ZNF484: variants seen among roughly 807,000 people sequenced by gnomAD.
ZNF484 encodes zinc finger protein 484, also known as KRAB box containing C2H2 type zinc finger bA526D8.4.
Under a neutral mutation model 12.9 loss-of-function variants are expected in ZNF484, and 11 were observed. That is an observed-to-expected ratio of 0.85 (90% CI 0.54 to 1.41). The LOEUF is 1.41. ZNF484 is among the 40% of genes most tolerant of loss of function. The pLI is 0.00. For synonymous variants in ZNF484, 289 were observed against 334.1 expected (o/e 0.86, Z 1.47); for missense variants, 807 against 1,007.7 (o/e 0.80, Z 2.70).
intron 2 of ZNF484, among the ~76,000 whole-genome samples, chr9:92,865,042 A>G (rs1268949530): frequency 1.3e-5 from 2 of 150,460 alleles, no homozygotes; most frequent in Admixed American, 6.6e-5. Flanking sequence ...GAGAGAGAGA[A>G]AGAGAGAGAG....
intron 4 of ZNF484, among the ~76,000 whole-genome samples, chr9:92,854,194 A>G (rs571137240): frequency 3.3e-5 from 5 of 152,338 alleles, no homozygotes; most frequent in African/African-American, 1.2e-4. Context: ...TTATTAGGGA[A>G]ATACAAATTA....
rs1284987736 is a variant in ZNF484 at position 92,844,303 on chromosome 9, G to T, written c.*1925C>A. The stretch of plus-strand genomic sequence containing the variant: ...TTAGAAAACAGGCCAACAGAACTGG[G>T]TAATAAGGTTATCCCTAAAAGAAAC... On this transcript the variant is annotated 3_prime_UTR_variant, in exon 5 of 5. Transcript: ENST00000375495. 1.3e-5 allele frequency among the ~76,000 whole-genome samples: 2 copies of T among 152,170 alleles called. No individual in the cohort carries two copies. Among genetic ancestry groups the T allele is most frequent in the Non-Finnish European group, 2.9e-5 (2 of 68,042 alleles).
chr9:92,872,231 CAAAAAAAA>C (rs59372760), intron 2 of ZNF484, among the ~76,000 whole-genome samples: 1,087 of 45,422 alleles, frequency 0.024, 55 homozygotes, highest in African/African-American at 0.074. Flanking sequence ...ATCTCTGCCT[CAAAAAAAA>C]AAAAAAAAAA....
chr9:92,851,702 C>T (rs1289988596), intron 4 of ZNF484, among the ~76,000 whole-genome samples: 1 of 152,194 alleles, frequency 6.6e-6, no homozygotes, highest in Admixed American at 6.5e-5. Context: ...TCTATTTTAT[C>T]AATGAACCCA....
At position 92,848,443 on chromosome 9, in the gene ZNF484, A is replaced by C. The variant is rs781514243; in HGVS notation, c.344T>G (p.Leu115Ter). ...LFTRDDPYSI[L>*]EELWKDDEHT... Reference sequence around the variant, plus strand: ...TTCATCGTCTTTCCACAATTCTTCTAAAATGGAATATGGGTCATCTCTTGT... The same window carrying C: ...TTCATCGTCTTTCCACAATTCTTCTCAAATGGAATATGGGTCATCTCTTGT... Residue 115 changes from leucine to a stop codon, truncating the protein, a stop_gained, in exon 5 of 5, where the codon TTA becomes TGA. Coordinates refer to ENST00000375495, the MANE Select transcript of ZNF484 (RefSeq NM_031486.4). LOFTEE classifies it low-confidence loss of function (END_TRUNC). This position sits in a 1 kb window ranked among gnomAD's most constrained non-coding sequence, Gnocchi z 4.1. 1.2e-6 allele frequency: 2 copies of C among 1,614,132 alleles called. No individual in the cohort carries two copies. The highest frequency in any genetic ancestry group is 1.7e-6 in the Non-Finnish European group (2 of 1,180,018).
chr9:92,848,560 G>C lies in ZNF484; in HGVS notation c.236-9C>G, dbSNP rs1855854264. 2 of 1,559,554 alleles carry C rather than the reference G, an allele frequency of 1.3e-6. No homozygotes were observed. The highest frequency in any genetic ancestry group is 1.4e-5 in the African/African-American group (1 of 72,434). ...AAAACCAATGTCCCCATCTAAAAAAGAAAGAAAAGATAAGACTGACAAAAA... is the reference window on the plus strand; with the variant it reads ...AAAACCAATGTCCCCATCTAAAAAACAAAGAAAAGATAAGACTGACAAAAA... On this transcript the variant is annotated splice_polypyrimidine_tract_variant and intron_variant, in intron 4 of 4. Transcript: ENST00000375495. The surrounding 1 kb of genome is among the most constrained non-coding windows in gnomAD (Gnocchi z 4.1).
Position 92,872,464 on chromosome 9 carries a change from T to G in ZNF484, c.15+2551A>C, listed in dbSNP as rs1194500765. On this transcript the variant is annotated intron_variant, in intron 2 of 4. Coordinates refer to ENST00000375495, the MANE Select transcript of ZNF484 (RefSeq NM_031486.4). ...GAGATCGCGCCATTGCACTCCAGCC[T>G]GGGCAACAAGAGCAAATCTCTGCCT... 4.0e-5 allele frequency among the ~76,000 whole-genome samples: 3 copies of G among 75,500 alleles called. No individual in the cohort carries two copies. The East Asian group carries it at 7.9e-4, about 20-fold the overall frequency. The allele number at this position is 75,500 out of a possible 152,430, so 49.5% of individuals were successfully genotyped here.
intron 2 of ZNF484, among the ~76,000 whole-genome samples, chr9:92,870,165 G>T (rs907554817): frequency 2.6e-5 from 4 of 152,090 alleles, no homozygotes; most frequent in Admixed American, 2.6e-4. Context: ...CCTGGCTAGG[G>T]GCCTCAGGAA....
In ZNF484 at chr9:92,848,266, C is replaced by A; in HGVS notation, c.521G>T (p.Arg174Ile). Reference sequence around the variant, plus strand: ...TCCACACGAGTTACAGTTATGGGGTCTTTTTCTTGAGGAAACCAGGTGTGT... The same window carrying A: ...TCCACACGAGTTACAGTTATGGGGTATTTTTCTTGAGGAAACCAGGTGTGT... ...VNTHLVSSRK[R>I]PHNCNSCGKN... Residue 174 changes from arginine (R) to isoleucine (I), a missense_variant, in exon 5 of 5, where the codon AGA becomes ATA. Physicochemically the swap from Arg to Ile is moderately conservative, Grantham distance 97. Coordinates refer to ENST00000375495, the MANE Select transcript of ZNF484 (RefSeq NM_031486.4). The surrounding 1 kb of genome is among the most constrained non-coding windows in gnomAD (Gnocchi z 4.1). 6.2e-7 allele frequency: 1 copy of A among 1,614,070 alleles called. No individual in the cohort carries two copies.
Position 92,872,904 on chromosome 9 carries a change from A to C in ZNF484, c.15+2111T>G, listed in dbSNP as rs1455282722. Among the ~76,000 whole-genome samples the C allele has an allele frequency of 2.0e-5, 3 of 151,846 alleles. No homozygotes were observed. In the East Asian group the frequency reaches 5.8e-4, roughly 29 times the overall value. On this transcript the variant is annotated intron_variant, in intron 2 of 4. Transcript: ENST00000375495. ...CCAGAAGGAAGTAGCACATTTTTCA[A>C]GTGCTAAAAAAAAAAACAAAAGAAC...
chr9:92,855,041 A>C (rs1203676254), intron 4 of ZNF484, among the ~76,000 whole-genome samples: 1 of 152,224 alleles, frequency 6.6e-6, no homozygotes, highest in African/African-American at 2.4e-5. Context: ...TGGAAGGATA[A>C]AAATGAGTAT....
chr9:92,870,122 T>C (rs939332703), intron 2 of ZNF484, among the ~76,000 whole-genome samples: 2 of 152,008 alleles, frequency 1.3e-5, no homozygotes, highest in African/African-American at 2.4e-5. Context: ...CAAACCAACA[T>C]ACAGACTCTG....
intron 2 of ZNF484, among the ~76,000 whole-genome samples, chr9:92,864,265 C>T (rs1013164686): frequency 9.2e-5 from 14 of 152,068 alleles, no homozygotes; most frequent in Admixed American, 2.6e-4. Context: ...GAGATACAGG[C>T]GATACTTCTG....
At position 92,844,200 on chromosome 9, in the gene ZNF484, T is replaced by A. The variant is rs1587718921; in HGVS notation, c.*2028A>T. Among the ~76,000 whole-genome samples the A allele has an allele frequency of 6.6e-6, 1 of 152,282 alleles. No homozygotes were observed. Among genetic ancestry groups the A allele is most frequent in the East Asian group, 1.9e-4 (1 of 5,190 alleles). On this transcript the variant is annotated 3_prime_UTR_variant, in exon 5 of 5. Coordinates refer to ENST00000375495, the MANE Select transcript of ZNF484 (RefSeq NM_031486.4). ...CATCTTATTACCTCTAAAATTTTAA[T>A]ATATATTGTCTGGCAAGTGATATAA... is the stretch of plus-strand genomic sequence containing the variant.
chr9:92,872,231 C>CAAAAAA (rs59372760), intron 2 of ZNF484, among the ~76,000 whole-genome samples: 1 of 45,592 alleles, frequency 2.2e-5, no homozygotes, highest in East Asian at 6.7e-4. Context: ...ATCTCTGCCT[C>CAAAAAA]AAAAAAAAAA....
intron 2 of ZNF484, among the ~76,000 whole-genome samples, chr9:92,857,022 C>T (rs1165351986): frequency 6.6e-6 from 1 of 152,232 alleles, no homozygotes; most frequent in Non-Finnish European, 1.5e-5. Context: ...CGACACCCAG[C>T]CTAATATGGT....
intron 2 of ZNF484, among the ~76,000 whole-genome samples, chr9:92,868,726 A>G (rs1857255727): frequency 6.6e-6 from 1 of 152,032 alleles, no homozygotes; most frequent in Non-Finnish European, 1.5e-5. Context: ...TCTTCTCAAC[A>G]ACCAACTCTC....
At chr9:92,862,652 A>G (rs1311189770) in intron 2 of ZNF484, among the ~76,000 whole-genome samples, 4 of 152,214 alleles carry the variant, frequency 2.6e-5, no homozygotes, top group Non-Finnish European at 4.4e-5. Context: ...ATTTCAGTAG[A>G]GGTATGCTGG....
intron 2 of ZNF484, among the ~76,000 whole-genome samples, chr9:92,872,701 A>T (rs1417829529): frequency 6.6e-6 from 1 of 152,098 alleles, no homozygotes; most frequent in Non-Finnish European, 1.5e-5. Flanking sequence ...TGTAGAAAGG[A>T]ATACTGCCCT....
Sources: allele counts gnomAD v4.1 joint callset (sites outside exome capture counted in the v4.1 genomes callset), GRCh38; gene constraint gnomAD v4.1.1; non-coding constraint Gnocchi (gnomAD v3.1); transcripts MANE v1.5; gene names NCBI Gene and HGNC (gene_info 2026-07-23, HGNC 2026-07-21).